The following GOLGA7B variants were observed in gnomAD, a reference collection of about 807,000 sequenced individuals.
The protein encoded by GOLGA7B is golgin subfamily A member 7B.
GOLGA7B carries 17 observed loss-of-function variants against 21.5 expected under a neutral mutation model. The ratio of observed to expected loss-of-function variants is 0.79; its 90% CI spans 0.54 to 1.19. GOLGA7B has a LOEUF of 1.19. Among genes scored for constraint, GOLGA7B ranks in the 50% most tolerant of loss-of-function variants. The pLI is 0.00. For missense variants in GOLGA7B, 169 were observed against 224.4 expected (o/e 0.75, Z 1.58); for synonymous variants, 87 against 84.0 (o/e 1.04, Z -0.19).
chr10:97,857,340 C>T (rs1186173865), intron 1 of GOLGA7B, among the ~76,000 whole-genome samples: 1 of 149,674 alleles, frequency 6.7e-6, no homozygotes, highest in Non-Finnish European at 1.5e-5. Context: ...GAGTCCTTTC[C>T]CCATCCCATT....
rs771822768 is a variant in GOLGA7B, at chr10:97,863,987, G to T, written c.196G>T (p.Ala66Ser). The T allele has an allele frequency of 1.9e-6, 3 of 1,614,216 alleles. No homozygotes were observed. The South Asian group carries it at 3.3e-5, about 18-fold the overall frequency. The stretch of plus-strand genomic sequence containing the variant: ...GACCCTCAACGGATTTTACGCAGAG[G>T]CTGAGAAGATTGGGGGCAGCTCCTA... ...VKTLNGFYAE[A>S]EKIGGSSYLE... Residue 66 changes from alanine (A) to serine (S), a missense_variant, in exon 3 of 5, where the codon GCT (alanine) becomes TCT (serine). Physicochemically the swap from Ala to Ser is moderately conservative, Grantham distance 99. Coordinates refer to ENST00000370602, the MANE Select transcript of GOLGA7B (RefSeq NM_001010917.3).
At chr10:97,858,282 G>A (rs1392688887) in intron 1 of GOLGA7B, among the ~76,000 whole-genome samples, 1 of 152,094 alleles carries the variant, frequency 6.6e-6, no homozygotes, top group Non-Finnish European at 1.5e-5. Context: ...ATATTTACTT[G>A]TCTTCCTCCC....
chr10:97,856,420 T>G (rs182804979), intron 1 of GOLGA7B, among the ~76,000 whole-genome samples: 1 of 152,370 alleles, frequency 6.6e-6, no homozygotes, highest in Admixed American at 6.5e-5. Flanking sequence ...TTTATTATTT[T>G]GTATGGCTGT....
chr10:97,860,700 G>A (rs932938056), intron 2 of GOLGA7B, among the ~76,000 whole-genome samples: 1 of 152,184 alleles, frequency 6.6e-6, no homozygotes, highest in Non-Finnish European at 1.5e-5. Flanking sequence ...ATTCCCAGGT[G>A]AATCAGAATC....
At position 97,856,643 on chromosome 10, in the gene GOLGA7B, T is replaced by A. The variant is rs528271357; in HGVS notation, c.13-2815T>A. 4.6e-5 allele frequency among the ~76,000 whole-genome samples: 7 copies of A among 152,338 alleles called. No individual in the cohort carries two copies. In the East Asian group the frequency reaches 1.3e-3, roughly 29 times the overall value. The stretch of plus-strand genomic sequence containing the variant: ...GGTTGAATGGTAGTTCTCTTTTTAG[T>A]TATTTAAGAAATCTTCATACTGTTT... On this transcript the variant is annotated intron_variant, in intron 1 of 4. Transcript: ENST00000370602.
At position 97,866,168 on chromosome 10, in the gene GOLGA7B, C is replaced by T. The variant is rs540561500; in HGVS notation, c.*468C>T. 6.3e-6 allele frequency: 1 copy of T among 159,592 alleles called. No homozygotes were observed. The highest frequency in any genetic ancestry group is 1.9e-4 in the South Asian group (1 of 5,160). The allele number at this position is 159,592 out of a possible 1,614,324, so 9.9% of individuals were successfully genotyped here. A position where few individuals can be genotyped will look rare whatever the true frequency, so the allele number is the denominator to read the frequency against. ...CCGTGGCTGTCTCCCAGTATCTGTT[C>T]CTTCTCATGCCCCTGCAGGGCCCCG... On this transcript the variant is annotated 3_prime_UTR_variant, in exon 5 of 5. Transcript: ENST00000370602.
At chr10:97,861,862 T>C (rs1193607571) in intron 2 of GOLGA7B, among the ~76,000 whole-genome samples, 13 of 152,266 alleles carry the variant, frequency 8.5e-5, no homozygotes, top group African/African-American at 2.4e-4. Flanking sequence ...ATGGACTAGA[T>C]GGGCAGGATT....
Position 97,863,914 on chromosome 10 carries a change from C to T in GOLGA7B, c.139-16C>T, listed in dbSNP as rs1431919348. 3 of 1,605,016 alleles carry T rather than the reference C, an allele frequency of 1.9e-6. No individual in the cohort carries two copies. Among genetic ancestry groups the T allele is most frequent in the Non-Finnish European group, 2.6e-6 (3 of 1,175,188 alleles). On this transcript the variant is annotated splice_polypyrimidine_tract_variant and intron_variant, in intron 2 of 4. Coordinates refer to ENST00000370602, the MANE Select transcript of GOLGA7B (RefSeq NM_001010917.3). ...CAGGGAGGCTAACCGCAGCCTGGCT[C>T]TGTCCCTTTCTCCAGATCGAGCGGC...
intron 1 of GOLGA7B, among the ~76,000 whole-genome samples, chr10:97,856,517 T>G (rs1246354309): frequency 6.6e-6 from 1 of 152,220 alleles, no homozygotes; most frequent in Non-Finnish European, 1.5e-5. Context: ...TCTATGACTT[T>G]GCTATTGTGA....
intron 4 of GOLGA7B, among the ~76,000 whole-genome samples, chr10:97,864,719 T>A (rs1201428300): frequency 6.6e-6 from 1 of 152,152 alleles, no homozygotes; most frequent in Non-Finnish European, 1.5e-5. Context: ...TCTCATGCAA[T>A]CCTCATGGAA....
At chr10:97,861,032 T>C (rs1316748360) in intron 2 of GOLGA7B, among the ~76,000 whole-genome samples, 5 of 152,238 alleles carry the variant, frequency 3.3e-5, no homozygotes, top group Non-Finnish European at 7.3e-5. Flanking sequence ...AACTGTGGCC[T>C]GTGGATCAAC....
At chr10:97,855,471 T>G (rs2049929718) in intron 1 of GOLGA7B, among the ~76,000 whole-genome samples, 1 of 152,200 alleles carries the variant, frequency 6.6e-6, no homozygotes, top group African/African-American at 2.4e-5. Context: ...TTCCCTTTCT[T>G]TCCATTCTCA....
In GOLGA7B at chr10:97,859,521, G is replaced by C. The variant is rs199703901; in HGVS notation, c.76G>C (p.Asp26His). 3 of 1,614,074 alleles carry C rather than the reference G, an allele frequency of 1.9e-6. No homozygotes were observed. The highest frequency in any genetic ancestry group is 2.5e-6 in the Non-Finnish European group (3 of 1,180,022). ...GGCCACCAAGGTCTTTATCCAGAGA[G>C]ACTACAGCGATGGGACCATCTGTCA... ...SLATKVFIQR[D>H]YSDGTICQFQ... is the part of the protein sequence containing the mutation. The change falls in exon 2 of 5, where the codon GAC becomes CAC. Residue 26 changes from aspartate (D) to histidine (H), a missense_variant. By Grantham distance (81) the Asp-to-His change is moderately conservative (BLOSUM62 -1). Transcript: ENST00000370602.
chr10:97,865,429 T>TG, intron 4 of GOLGA7B, 161 bp from the exon 5 acceptor site: 1 of 1,231,682 alleles, frequency 8.1e-7, no homozygotes, highest in Non-Finnish European at 1.1e-6. Context: ...TGTGCATGGA[T>TG]GGGCTTGGGG....
chr10:97,864,133 G>A, intron 3 of GOLGA7B, 35 bp from the exon 4 acceptor site: 1 of 1,614,014 alleles, frequency 6.2e-7, no homozygotes, highest in East Asian at 2.2e-5. Flanking sequence ...CTGCCCTGTG[G>A]CATGCTCATC....
chr10:97,859,480 G>C lies in GOLGA7B; in HGVS notation c.35G>C (p.Arg12Pro). The part of the protein sequence containing the change: ...ATEVHNLQEL[R>P]RSASLATKVF... ...CAGGTCCACAATCTGCAGGAGCTCC[G>C]GCGAAGTGCCTCACTGGCCACCAAG... Residue 12 changes from arginine (R) to proline (P), a missense_variant, in exon 2 of 5, where the codon CGG (arginine) becomes CCG (proline). Transcript: ENST00000370602. 6.2e-7 allele frequency: 1 copy of C among 1,614,062 alleles called. No individual in the cohort carries two copies. The highest frequency in any genetic ancestry group is 1.1e-5 in the South Asian group (1 of 91,062).
At chr10:97,859,975 A>G (rs1045897032) in intron 2 of GOLGA7B, among the ~76,000 whole-genome samples, 2 of 152,176 alleles carry the variant, frequency 1.3e-5, no homozygotes, top group Non-Finnish European at 2.9e-5. Flanking sequence ...GCTGTTCTCA[A>G]CCTTGGCTGT....
intron 1 of GOLGA7B, 64 bp downstream of exon 1, chr10:97,850,379 T>A: frequency 7.7e-7 from 1 of 1,299,158 alleles, no homozygotes; most frequent in Non-Finnish European, 1.0e-6. Context: ...GCCCTAGGGG[T>A]GGGCTGGGCA....
At chr10:97,860,600 T>C (rs759893885) in intron 2 of GOLGA7B, among the ~76,000 whole-genome samples, 1 of 152,100 alleles carries the variant, frequency 6.6e-6, no homozygotes, top group Admixed American at 6.5e-5. Context: ...TGATCCGCCC[T>C]CCTCGGCCTC....
Sources: gnomAD v4.1 joint callset for allele counts (sites outside exome capture counted in the v4.1 genomes callset) on GRCh38, gnomAD v4.1.1 for gene constraint, MANE v1.5 for transcripts, NCBI Gene and HGNC (gene_info 2026-07-23, HGNC 2026-07-21) for gene names.